Variants in RNF182 observed in about 807,000 individuals in gnomAD.
RNF182 encodes the protein E3 ubiquitin-protein ligase RNF182.
In RNF182, 15 loss-of-function variants were observed where a neutral mutation model predicts 14.4. The observed-to-expected ratio is 1.04, with a 90% CI of 0.70 to 1.60. The LOEUF is 1.60. Ranked by LOEUF, RNF182 falls within the 40% of genes most tolerant of loss-of-function variation. The pLI is 0.00. For synonymous variants in RNF182, 128 were observed against 122.9 expected (o/e 1.04, Z -0.27); for missense variants, 268 against 294.8 (o/e 0.91, Z 0.67).
chr6:13,951,436 G>C (rs1034817701), intron 1 of RNF182, among the ~76,000 whole-genome samples: 3 of 152,200 alleles, frequency 2.0e-5, no homozygotes, highest in African/African-American at 7.2e-5. Context: ...CTCAGTTGGG[G>C]TGGGGACATT....
intron 1 of RNF182, among the ~76,000 whole-genome samples, chr6:13,968,764 GTATT>G (rs1158844034): frequency 6.6e-6 from 1 of 152,154 alleles, no homozygotes; most frequent in Admixed American, 6.5e-5. Context: ...TGACCTTTGT[GTATT>G]TATATATGTA....
At chr6:13,944,712 A>T (rs1759392924) in intron 1 of RNF182, among the ~76,000 whole-genome samples, 1 of 152,208 alleles carries the variant, frequency 6.6e-6, no homozygotes, top group Non-Finnish European at 1.5e-5. Flanking sequence ...TAATCCTTTC[A>T]ATACACCTGT....
intron 1 of RNF182, among the ~76,000 whole-genome samples, chr6:13,943,933 G>A (rs551701025): frequency 7.9e-5 from 12 of 152,264 alleles, no homozygotes; most frequent in Admixed American, 4.6e-4. Flanking sequence ...TTATCTGGAG[G>A]AGAAACAAAC....
chr6:13,968,129 CAGAA>C (rs1308690860), intron 1 of RNF182, among the ~76,000 whole-genome samples: 4 of 151,898 alleles, frequency 2.6e-5, no homozygotes, highest in African/African-American at 7.3e-5. Flanking sequence ...TTAAAAGTAA[CAGAA>C]AGGATAAATA....
chr6:13,949,467 C>A, intron 1 of RNF182: 5 of 625,178 alleles, frequency 8.0e-6, no homozygotes, highest in South Asian at 1.9e-5. Context: ...CTTTGGTTGA[C>A]GAGAAAGGCT....
chr6:13,952,098 A>C (rs994002913), intron 1 of RNF182, among the ~76,000 whole-genome samples: 9 of 151,742 alleles, frequency 5.9e-5, no homozygotes, highest in Admixed American at 5.9e-4. Flanking sequence ...AAAGATAGTA[A>C]AGAGACAGGA....
At chr6:13,950,194 C>T (rs1263206434) in intron 1 of RNF182, among the ~76,000 whole-genome samples, 1 of 152,096 alleles carries the variant, frequency 6.6e-6, no homozygotes, top group Admixed American at 6.6e-5. Flanking sequence ...TGGTGAAAAA[C>T]TTGGTGAGTG....
At chr6:13,941,746 T>C (rs965876087) in intron 1 of RNF182, among the ~76,000 whole-genome samples, 2 of 152,194 alleles carry the variant, frequency 1.3e-5, no homozygotes, top group African/African-American at 2.4e-5. Context: ...TTTTCACTTA[T>C]GAATATACTT....
chr6:13,978,871 T>C lies in RNF182; in HGVS notation c.*1008T>C, dbSNP rs2113657313. ...TGAAAACCAGAAACAGTTAATGAGATGCTTCAGCTCACAGTTTGAAGTGCT... is the reference window on the plus strand; with the variant it reads ...TGAAAACCAGAAACAGTTAATGAGACGCTTCAGCTCACAGTTTGAAGTGCT... On this transcript the variant is annotated 3_prime_UTR_variant, in exon 3 of 3. Coordinates refer to ENST00000488300, the MANE Select transcript of RNF182 (RefSeq NM_152737.4). The C allele has an allele frequency of 6.0e-6, 1 of 167,234 alleles. No homozygotes were observed. The highest frequency in any genetic ancestry group is 3.4e-3 in the Middle Eastern group (1 of 296). 10.4% of individuals were successfully genotyped at this position (167,234 alleles called of 1,614,324 possible). A position where few individuals can be genotyped will look rare whatever the true frequency, so the allele number is the denominator to read the frequency against.
At chr6:13,949,300 A>T in intron 1 of RNF182, 1 of 777,546 alleles carries the variant, frequency 1.3e-6, no homozygotes, top group Non-Finnish European at 2.4e-6. Context: ...GAAACCTGAC[A>T]TGTGGGCATC....
intron 1 of RNF182, among the ~76,000 whole-genome samples, chr6:13,938,091 A>G (rs1446118669): frequency 1.5e-5 from 2 of 132,378 alleles, no homozygotes; most frequent in South Asian, 2.3e-4. Context: ...AACTCCGCCT[A>G]CCGGGTTCAC....
Position 13,978,045 on chromosome 6 carries a change from C to G in RNF182, c.*182C>G. ...CTGGAAGTAAAAATGTTCATTTCTA[C>G]TTAGGGGTTAGCAAAATTGTATAAG... On this transcript the variant is annotated 3_prime_UTR_variant, in exon 3 of 3. Transcript: ENST00000488300. 1.5e-6 allele frequency: 1 copy of G among 668,428 alleles called. No homozygotes were observed. The allele number at this position is 668,428 out of a possible 1,614,324, so 41.4% of individuals were successfully genotyped here.
intron 1 of RNF182, among the ~76,000 whole-genome samples, chr6:13,937,204 G>A (rs1449564793): frequency 1.3e-5 from 2 of 152,134 alleles, no homozygotes; most frequent in East Asian, 1.9e-4. Context: ...AAAAGTGCAC[G>A]AATCGTAAGG....
At chr6:13,936,639 CAGA>C (rs1759118539) in intron 1 of RNF182, among the ~76,000 whole-genome samples, 1 of 152,186 alleles carries the variant, frequency 6.6e-6, no homozygotes, top group Non-Finnish European at 1.5e-5. Context: ...CTGAGGCTAA[CAGA>C]AGAAATTACA....
At chr6:13,939,505 T>G (rs1759230615) in intron 1 of RNF182, among the ~76,000 whole-genome samples, 4 of 151,860 alleles carry the variant, frequency 2.6e-5, no homozygotes, top group Non-Finnish European at 4.4e-5. Flanking sequence ...TATAAATACA[T>G]TTTTGTTTTT....
intron 1 of RNF182, among the ~76,000 whole-genome samples, chr6:13,959,574 TTGA>T (rs1321900610): frequency 3.3e-5 from 5 of 152,138 alleles, no homozygotes; most frequent in African/African-American, 9.7e-5. Flanking sequence ...GATTAGGATG[TTGA>T]TGATGAAGAT....
intron 1 of RNF182, among the ~76,000 whole-genome samples, chr6:13,947,702 G>C (rs534604571): frequency 6.6e-6 from 1 of 152,160 alleles, no homozygotes; most frequent in African/African-American, 2.4e-5. Flanking sequence ...CAGGTCAGGA[G>C]CCCTGTACAA....
chr6:13,936,503 TA>T (rs1445627644), intron 1 of RNF182, among the ~76,000 whole-genome samples: 1 of 152,214 alleles, frequency 6.6e-6, no homozygotes, highest in Non-Finnish European at 1.5e-5. Context: ...ACAGGCAGTT[TA>T]AAAAGGGGAA....
chr6:13,932,996 G>A (rs1042244241), intron 1 of RNF182, among the ~76,000 whole-genome samples: 1 of 152,068 alleles, frequency 6.6e-6, no homozygotes, highest in Non-Finnish European at 1.5e-5. Context: ...TGAAATTGCT[G>A]TCCGAGCATT....
Sources: allele counts gnomAD v4.1 joint callset (sites outside exome capture counted in the v4.1 genomes callset), GRCh38; gene constraint gnomAD v4.1.1; transcripts MANE v1.5; gene names NCBI Gene and HGNC (gene_info 2026-07-23, HGNC 2026-07-21).